The following PTPRM variants were observed in gnomAD, a reference collection of about 807,000 sequenced individuals.
PTPRM encodes receptor-type tyrosine-protein phosphatase mu.
Under a neutral mutation model 186.7 loss-of-function variants are expected in PTPRM, and 47 were observed. That is an observed-to-expected ratio of 0.25 (90% CI 0.20 to 0.32). The LOEUF (loss-of-function observed/expected upper bound fraction) is 0.32, where lower values mean the gene tolerates loss of function less well. PTPRM is among the 10% of genes least tolerant of loss of function. The pLI, the probability that PTPRM is intolerant of heterozygous loss-of-function variation, is 1.00. For synonymous variants in PTPRM, 668 were observed against 674.9 expected (o/e 0.99, Z 0.16); for missense variants, 1,494 against 1,865.0 (o/e 0.80, Z 3.66).
chr18:7,841,646 T>C (rs2046332283), intron 2 of PTPRM, among the ~76,000 whole-genome samples: 1 of 152,176 alleles, frequency 6.6e-6, no homozygotes, highest in Non-Finnish European at 1.5e-5. Context: ...TCAGAGAGTA[T>C]GTACAGGTTA....
chr18:8,165,051 C>G (rs1047583686), intron 14 of PTPRM, among the ~76,000 whole-genome samples: 1 of 151,752 alleles, frequency 6.6e-6, no homozygotes, highest in Non-Finnish European at 1.5e-5. Flanking sequence ...CACCTGTAAT[C>G]CCAGCTACTC....
At chr18:7,939,921 G>A (rs1298478308) in intron 5 of PTPRM, among the ~76,000 whole-genome samples, 1 of 152,136 alleles carries the variant, frequency 6.6e-6, no homozygotes, top group Non-Finnish European at 1.5e-5. Context: ...ATTTTGCTGT[G>A]TCCACCTGAT....
intron 21 of PTPRM, among the ~76,000 whole-genome samples, chr18:8,316,615 C>T (rs1457237207): frequency 6.6e-6 from 1 of 152,094 alleles, no homozygotes; most frequent in Non-Finnish European, 1.5e-5. Context: ...AAACTGTGAA[C>T]CGTTCAAACC....
intron 11 of PTPRM, among the ~76,000 whole-genome samples, chr18:8,104,886 A>G (rs541873303): frequency 2.0e-5 from 3 of 152,150 alleles, no homozygotes; most frequent in Admixed American, 6.5e-5. Context: ...CACCATTTTT[A>G]TTAGTCTCCA....
At chr18:7,772,384 TTTCTTTC>T (rs2144928760) in intron 1 of PTPRM, among the ~76,000 whole-genome samples, 1 of 141,306 alleles carries the variant, frequency 7.1e-6, no homozygotes, top group South Asian at 2.3e-4. Flanking sequence ...TCTTTCTTTC[TTTCTTTC>T]TTTCTTTCTT....
chr18:7,731,280 C>T (rs1014407291), intron 1 of PTPRM, among the ~76,000 whole-genome samples: 5 of 152,112 alleles, frequency 3.3e-5, no homozygotes, highest in Non-Finnish European at 5.9e-5. Flanking sequence ...TTTGTTCTTA[C>T]TGGTAATAAT....
chr18:7,934,395 TC>T (rs1415022383), intron 5 of PTPRM, among the ~76,000 whole-genome samples: 1 of 152,188 alleles, frequency 6.6e-6, no homozygotes, highest in Non-Finnish European at 1.5e-5. Flanking sequence ...AGTATGTTTC[TC>T]CAGTCTAATA....
At chr18:7,966,145 G>C (rs1462410184) in intron 7 of PTPRM, among the ~76,000 whole-genome samples, 1 of 152,048 alleles carries the variant, frequency 6.6e-6, no homozygotes, top group East Asian at 1.9e-4. Context: ...AACTGCAAGT[G>C]AATAGAATGC....
intron 7 of PTPRM, among the ~76,000 whole-genome samples, chr18:8,018,644 T>A (rs554726169): frequency 6.6e-6 from 1 of 151,766 alleles, no homozygotes; most frequent in East Asian, 1.9e-4. Flanking sequence ...TCCCTTTTTT[T>A]ATGTAAAATT....
chr18:8,091,587 A>ATTT (rs371274350), intron 11 of PTPRM, among the ~76,000 whole-genome samples: 4 of 140,266 alleles, frequency 2.9e-5, no homozygotes, highest in South Asian at 2.3e-4. Context: ...TGTCGAAAAG[A>ATTT]TTTTTTTTTT....
intron 22 of PTPRM, among the ~76,000 whole-genome samples, chr18:8,342,014 C>A (rs983910061): frequency 6.6e-6 from 1 of 152,114 alleles, no homozygotes; most frequent in Non-Finnish European, 1.5e-5. Context: ...ATCAGGAGAG[C>A]AAGTCAGCTT....
In PTPRM at chr18:8,011,386, A is replaced by T. The variant is rs116965610; in HGVS notation, c.1132+55972A>T. ...GGACTGATGGGCACACTTTCTGATGATCATTCTTCACAGCCATCAATCTCT... is the reference window on the plus strand; with the variant it reads ...GGACTGATGGGCACACTTTCTGATGTTCATTCTTCACAGCCATCAATCTCT... On this transcript the variant is annotated intron_variant, in intron 7 of 32. Coordinates refer to ENST00000580170, the MANE Select transcript of PTPRM (RefSeq NM_001105244.2). Among the ~76,000 whole-genome samples the T allele has an allele frequency of 1.9e-3, 288 of 152,240 alleles. 2 individuals are homozygous for T. Among genetic ancestry groups the T allele is most frequent in the Middle Eastern group, 3.4e-3 (1 of 294 alleles).
chr18:8,159,982 G>T (rs955585223), intron 14 of PTPRM, among the ~76,000 whole-genome samples: 2 of 151,882 alleles, frequency 1.3e-5, no homozygotes, highest in Non-Finnish European at 2.9e-5. Context: ...GTTAAAGTTT[G>T]AATAATAATT....
rs2043313336 is a variant in PTPRM, at chr18:7,790,956, T to C, written c.196+16685T>C. On this transcript the variant is annotated intron_variant, in intron 2 of 32. Coordinates refer to ENST00000580170, the MANE Select transcript of PTPRM (RefSeq NM_001105244.2). Reference sequence around the variant, plus strand: ...AAATAACTCACCAAACATGAATCAATAAAAAACAAATTGTGATAAAAGGCA... The same window carrying C: ...AAATAACTCACCAAACATGAATCAACAAAAAACAAATTGTGATAAAAGGCA... Among the ~76,000 whole-genome samples, 3 of 152,060 alleles carry C rather than the reference T, an allele frequency of 2.0e-5. No homozygotes were observed. The South Asian group carries it at 6.2e-4, about 31-fold the overall frequency.
At chr18:8,317,641 G>A (rs1445937662) in intron 21 of PTPRM, among the ~76,000 whole-genome samples, 1 of 152,156 alleles carries the variant, frequency 6.6e-6, no homozygotes, top group East Asian at 1.9e-4. Context: ...TTGAGAACAA[G>A]CGGCCAGGGA....
intron 19 of PTPRM, among the ~76,000 whole-genome samples, chr18:8,255,660 A>T (rs1447334408): frequency 6.6e-6 from 1 of 152,254 alleles, no homozygotes; most frequent in Non-Finnish European, 1.5e-5. Flanking sequence ...TGAACAAAAC[A>T]CATATACTAG....
At chr18:8,135,264 A>T (rs1399342427) in intron 13 of PTPRM, among the ~76,000 whole-genome samples, 1 of 152,220 alleles carries the variant, frequency 6.6e-6, no homozygotes, top group Non-Finnish European at 1.5e-5. Context: ...TAGTGCAATC[A>T]ATGATGGAAA....
chr18:8,114,856 AATTAATGT>A, intron 13 of PTPRM, 29 bp downstream of exon 13: 1 of 1,590,444 alleles, frequency 6.3e-7, no homozygotes, highest in African/African-American at 1.3e-5. Flanking sequence ...ATATTCTCCT[AATTAATGT>A]TCCTTAAAAG....
chr18:8,406,652 T>G lies in PTPRM; in HGVS notation c.*490T>G, dbSNP rs1189313901. On this transcript the variant is annotated 3_prime_UTR_variant, in exon 33 of 33. Transcript: ENST00000580170. ...GCTTTCCAGGACTAACAGATAAATG[T>G]GTAATGAACAAAGATATGTTGTATG... The G allele has an allele frequency of 1.3e-5, 2 of 155,498 alleles. No individual in the cohort carries two copies. The highest frequency in any genetic ancestry group is 3.4e-3 in the Middle Eastern group (1 of 298). The allele number at this position is 155,498 out of a possible 1,614,324, so 9.6% of individuals were successfully genotyped here.
Sources: allele counts gnomAD v4.1 joint callset (sites outside exome capture counted in the v4.1 genomes callset), GRCh38; gene constraint gnomAD v4.1.1; transcripts MANE v1.5; gene names NCBI Gene and HGNC (gene_info 2026-07-23, HGNC 2026-07-21).